Variants in KYNU observed in about 807,000 individuals in gnomAD.
KYNU encodes the protein kynureninase.
Under a neutral mutation model 59.2 loss-of-function variants are expected in KYNU, and 54 were observed. That is an observed-to-expected ratio of 0.91 (90% CI 0.73 to 1.14). The LOEUF is 1.14. KYNU is among the 50% of genes most tolerant of loss of function. KYNU has a pLI of 0.00. For synonymous variants in KYNU, 177 were observed against 192.0 expected (o/e 0.92, Z 0.65); for missense variants, 567 against 554.4 (o/e 1.02, Z -0.23).
chr2:142,991,556 T>C (rs1409468295), intron 10 of KYNU, among the ~76,000 whole-genome samples: 1 of 151,896 alleles, frequency 6.6e-6, no homozygotes, highest in East Asian at 1.9e-4. Context: ...AGCTACAACT[T>C]CTTGGCTTCT....
At chr2:142,941,794 T>TACTATTAG (rs1683609529) in intron 4 of KYNU, among the ~76,000 whole-genome samples, 1 of 152,222 alleles carries the variant, frequency 6.6e-6, no homozygotes, top group African/African-American at 2.4e-5. Context: ...TTTCAGATCA[T>TACTATTAG]ACTATTAGCT....
At chr2:142,943,715 G>A (rs547147605) in intron 4 of KYNU, among the ~76,000 whole-genome samples, 137 of 152,158 alleles carry the variant, frequency 9.0e-4, no homozygotes, top group Non-Finnish European at 1.6e-3. Context: ...TATGAAATCC[G>A]TGGCTGACCC....
At chr2:142,969,979 A>G (rs147694454) in intron 8 of KYNU, among the ~76,000 whole-genome samples, 163 of 152,326 alleles carry the variant, frequency 1.1e-3, no homozygotes, top group Admixed American at 1.9e-3. Context: ...AAGTGTTCCA[A>G]TGTGAAATGT....
chr2:143,033,032 T>C (rs1686802831), intron 11 of KYNU, among the ~76,000 whole-genome samples: 1 of 152,110 alleles, frequency 6.6e-6, no homozygotes, highest in Admixed American at 6.6e-5. Context: ...TGCTAAGAAG[T>C]TGGGGACAAG....
At chr2:142,903,710 G>A (rs1682186595) in intron 2 of KYNU, among the ~76,000 whole-genome samples, 1 of 152,202 alleles carries the variant, frequency 6.6e-6, no homozygotes, top group Admixed American at 6.5e-5. Flanking sequence ...CCTGCTGCTG[G>A]ATCATCTGGT....
At chr2:142,882,518 C>G in intron 1 of KYNU, among the ~76,000 whole-genome samples, 1 of 152,150 alleles carries the variant, frequency 6.6e-6, no homozygotes, top group South Asian at 2.1e-4. Context: ...TGTGATGTTC[C>G]CCGCCCTGTG....
At chr2:143,038,740 A>G (rs911205841) in intron 12 of KYNU, among the ~76,000 whole-genome samples, 2 of 152,114 alleles carry the variant, frequency 1.3e-5, no homozygotes, top group African/African-American at 2.4e-5. Flanking sequence ...GCCTCTATAC[A>G]GTATAGTTCC....
At chr2:142,980,519 G>A (rs560133480) in intron 8 of KYNU, among the ~76,000 whole-genome samples, 3 of 152,108 alleles carry the variant, frequency 2.0e-5, no homozygotes, top group Non-Finnish European at 4.4e-5. Context: ...CCATACCAAG[G>A]ACTATGAGTT....
At chr2:142,990,380 T>C (rs1685362337) in intron 10 of KYNU, among the ~76,000 whole-genome samples, 1 of 151,888 alleles carries the variant, frequency 6.6e-6, no homozygotes, top group South Asian at 2.1e-4. Flanking sequence ...ATGTTAACCC[T>C]CATGGCACAC....
At chr2:142,933,030 G>A (rs1178544829) in intron 4 of KYNU, among the ~76,000 whole-genome samples, 1 of 152,194 alleles carries the variant, frequency 6.6e-6, no homozygotes, top group Non-Finnish European at 1.5e-5. Flanking sequence ...GAGGAGTCAT[G>A]GGGCAGAGAT....
intron 2 of KYNU, among the ~76,000 whole-genome samples, chr2:142,906,438 C>A (rs775064324): frequency 1.4e-4 from 21 of 152,084 alleles, no homozygotes; most frequent in Non-Finnish European, 2.6e-4. Context: ...AAACTCAGGG[C>A]CTGGCAAGAG....
At chr2:143,041,971 A>G (rs989303076) in intron 13 of KYNU, 76 bp from the exon 14 acceptor site, 9 of 1,492,042 alleles carry the variant, frequency 6.0e-6, no homozygotes, top group African/African-American at 1.4e-5. Context: ...AGTGCTTTAC[A>G]TAAGTTTATC....
At chr2:143,000,462 A>G (rs1160362742) in intron 10 of KYNU, among the ~76,000 whole-genome samples, 1 of 152,250 alleles carries the variant, frequency 6.6e-6, no homozygotes, top group African/African-American at 2.4e-5. Context: ...AATAGAATAC[A>G]GAGACAAATC....
At chr2:142,971,042 A>G (rs760772151) in intron 8 of KYNU, 1 of 152,160 alleles carries the variant, frequency 6.6e-6, no homozygotes, top group Non-Finnish European at 1.5e-5. Context: ...ATTAGCAAAC[A>G]TGGTGTATTT....
chr2:143,026,983 C>G (rs1308546517), intron 10 of KYNU, among the ~76,000 whole-genome samples: 3 of 151,982 alleles, frequency 2.0e-5, no homozygotes, highest in African/African-American at 7.3e-5. Flanking sequence ...CAGGATGGGG[C>G]GGGGTGGGGC....
intron 8 of KYNU, among the ~76,000 whole-genome samples, chr2:142,972,813 T>TATATATAGAGAGAG (rs1478067181): frequency 8.0e-6 from 1 of 124,226 alleles, no homozygotes; most frequent in South Asian, 2.9e-4. Context: ...TATATATATA[T>TATATATAGAGAGAG]AGAGAGAGAG....
chr2:142,921,610 C>G (rs1682886214), intron 3 of KYNU, among the ~76,000 whole-genome samples: 1 of 152,082 alleles, frequency 6.6e-6, no homozygotes, highest in Non-Finnish European at 1.5e-5. Flanking sequence ...TAGTTCCAGA[C>G]CAACCTGGGC....
At position 143,033,315 on chromosome 2, in the gene KYNU, T is replaced by A. The variant is rs771131526; in HGVS notation, c.1035T>A (p.Ser345Arg). The A allele has an allele frequency of 6.2e-6, 10 of 1,611,240 alleles. No homozygotes were observed. Among genetic ancestry groups the A allele is most frequent in the Non-Finnish European group, 8.5e-6 (10 of 1,177,360 alleles). The change falls in exon 12 of 14, where the codon AGT becomes AGA. Residue 345 changes from serine (S) to arginine (R), a missense_variant. Coordinates refer to ENST00000264170, the MANE Select transcript of KYNU (RefSeq NM_003937.3). ...TGTTGGTCTGTTCCTTGCATGCTAG[T>A]TTAGAGGTAAGTGATGTGTGTTTCA... ...PILLVCSLHA[S>R]LEIFKQATMK...
chr2:143,036,239 T>C (rs1686890462), intron 12 of KYNU, among the ~76,000 whole-genome samples: 1 of 152,052 alleles, frequency 6.6e-6, no homozygotes, highest in African/African-American at 2.4e-5. Context: ...TTTTACTTCC[T>C]GCAGAGAGGA....
Sources: gnomAD v4.1 joint callset for allele counts (sites outside exome capture counted in the v4.1 genomes callset) on GRCh38, gnomAD v4.1.1 for gene constraint, MANE v1.5 for transcripts, NCBI Gene and HGNC (gene_info 2026-07-23, HGNC 2026-07-21) for gene names.